The following WDFY4 variants were observed in gnomAD, a reference collection of about 807,000 sequenced individuals.
WDFY4 encodes WD repeat- and FYVE domain-containing protein 4.
WDFY4 carries 169 observed loss-of-function variants against 351.9 expected under a neutral mutation model. The ratio of observed to expected loss-of-function variants is 0.48; its 90% CI spans 0.42 to 0.55. WDFY4 has a LOEUF of 0.55. Ranked by LOEUF, WDFY4 falls within the 20% of genes least tolerant of loss-of-function variation. The pLI is 0.00. For missense variants in WDFY4, 3,803 were observed against 3,935.6 expected, an observed-to-expected ratio of 0.97 and a Z score of 0.90; for synonymous variants, 1,622 against 1,574.6, an observed-to-expected ratio of 1.03 and a Z score of -0.71.
At chr10:48,874,429 G>A (rs927435804) in intron 41 of WDFY4, among the ~76,000 whole-genome samples, 1 of 152,058 alleles carries the variant, frequency 6.6e-6, no homozygotes, top group Non-Finnish European at 1.5e-5. Context: ...CCAGAATGCT[G>A]GATTTTTTTC....
intron 53 of WDFY4, among the ~76,000 whole-genome samples, chr10:48,960,985 T>C (rs1291605857): frequency 6.6e-6 from 1 of 152,242 alleles, no homozygotes; most frequent in Non-Finnish European, 1.5e-5. Flanking sequence ...AAACGTTCTA[T>C]GTCTTGACTG....
intron 47 of WDFY4, among the ~76,000 whole-genome samples, chr10:48,933,362 C>T (rs1840150165): frequency 6.6e-6 from 1 of 152,248 alleles, no homozygotes. Flanking sequence ...GTCAAAGGCG[C>T]ATGCCTCGAC....
rs138198129 is a variant in WDFY4 at position 48,786,293 on chromosome 10, T to C, written c.3577-346T>C. 2.1e-3 allele frequency among the ~76,000 whole-genome samples: 316 copies of C among 152,336 alleles called. 1 individual carries two copies. The highest frequency in any genetic ancestry group is 7.3e-3 in the African/African-American group (305 of 41,578). On this transcript the variant is annotated intron_variant, in intron 19 of 61. Coordinates refer to ENST00000325239, the MANE Select transcript of WDFY4 (RefSeq NM_001394531.1). ...AACAGTTTTATTTCTTCCTTTCCAC[T>C]CTGTATGTATGTAATTATTGTTCAT...
At chr10:48,752,914 A>G (rs1301901927) in intron 12 of WDFY4, among the ~76,000 whole-genome samples, 3 of 152,218 alleles carry the variant, frequency 2.0e-5, no homozygotes, top group African/African-American at 7.2e-5. Context: ...ATTGTAGCTC[A>G]ATTCAATAGA....
At chr10:48,978,194 C>A in intron 59 of WDFY4, 115 bp from the exon 60 acceptor site, 2 of 963,296 alleles carry the variant, frequency 2.1e-6, no homozygotes, top group Non-Finnish European at 3.0e-6. Flanking sequence ...AAAGGGGGGC[C>A]ATGTGTTCAT....
intron 58 of WDFY4, among the ~76,000 whole-genome samples, chr10:48,975,801 G>A (rs1264810892): frequency 6.6e-6 from 1 of 152,118 alleles, no homozygotes; most frequent in African/African-American, 2.4e-5. Context: ...TGGATGGGTA[G>A]ATAGATAAAT....
intron 13 of WDFY4, among the ~76,000 whole-genome samples, chr10:48,768,617 C>G (rs769980653): frequency 1.3e-5 from 2 of 151,906 alleles, no homozygotes; most frequent in Non-Finnish European, 2.9e-5. Flanking sequence ...GCTTACTAGG[C>G]GGCTATTCTG....
At chr10:48,822,678 G>A (rs929142790) in intron 35 of WDFY4, 141 bp downstream of exon 35, 4 of 1,110,806 alleles carry the variant, frequency 3.6e-6, no homozygotes, top group Non-Finnish European at 4.8e-6. Context: ...AGGCCCTTTA[G>A]TCCCAGGTAA....
At chr10:48,787,802 TCC>T (rs1164262708) in intron 20 of WDFY4, among the ~76,000 whole-genome samples, 2 of 96,580 alleles carry the variant, frequency 2.1e-5, no homozygotes, top group South Asian at 4.8e-4. Flanking sequence ...CTCCTCCTCC[TCC>T]TCCTCTTCTT....
In WDFY4 at chr10:48,743,416, G is replaced by A; in HGVS notation, c.2327G>A (p.Gly776Asp). ...ILGFLDSMAS[G>D]TLHLRGDLKE... The stretch of plus-strand genomic sequence containing the variant: ...GGCTTTCTGGACAGCATGGCCAGCG[G>A]CACCCTCCACTTGCGTGGGGACCTG... Residue 776 changes from glycine (G) to aspartate (D), a missense_variant, in exon 12 of 62, where the codon GGC becomes GAC. Gly to Asp is a moderately conservative substitution (Grantham distance 94). Coordinates refer to ENST00000325239, the MANE Select transcript of WDFY4 (RefSeq NM_001394531.1). 4 of 1,551,416 alleles carry A rather than the reference G, an allele frequency of 2.6e-6. No homozygotes were observed. Among genetic ancestry groups the A allele is most frequent in the Non-Finnish European group, 3.5e-6 (4 of 1,146,994 alleles).
chr10:48,764,494 T>C (rs1000487126), intron 13 of WDFY4, among the ~76,000 whole-genome samples: 1 of 152,342 alleles, frequency 6.6e-6, no homozygotes, highest in South Asian at 2.1e-4. Flanking sequence ...TCTAGCAGGC[T>C]TAGCAGCCAT....
chr10:48,959,912 A>C, intron 53 of WDFY4, 99 bp downstream of exon 53: 1 of 1,092,806 alleles, frequency 9.2e-7, no homozygotes, highest in Non-Finnish European at 1.3e-6. Context: ...AGTGACCAGC[A>C]CTGTGAGGCT....
intron 47 of WDFY4, chr10:48,910,201 T>C: frequency 6.5e-7 from 1 of 1,543,644 alleles, no homozygotes; most frequent in Non-Finnish European, 9.0e-7. Context: ...TTTATTCTGT[T>C]AGCTGAGTAG....
chr10:48,747,626 T>C (rs1463176711), intron 12 of WDFY4, among the ~76,000 whole-genome samples: 1 of 152,244 alleles, frequency 6.6e-6, no homozygotes, highest in African/African-American at 2.4e-5. Flanking sequence ...TAATCTGATA[T>C]ATAATCTAGC....
At chr10:48,727,094 C>T (rs1375458401) in intron 6 of WDFY4, among the ~76,000 whole-genome samples, 2 of 152,208 alleles carry the variant, frequency 1.3e-5, no homozygotes, top group African/African-American at 4.8e-5. Context: ...TACATCCTCC[C>T]CTGCATTTTT....
At chr10:48,803,893 C>A in intron 25 of WDFY4, among the ~76,000 whole-genome samples, 1 of 152,244 alleles carries the variant, frequency 6.6e-6, no homozygotes, top group Non-Finnish European at 1.5e-5. Context: ...CCACTCTTGC[C>A]TCTGCCTCTT....
chr10:48,788,686 T>C lies in WDFY4; in HGVS notation c.3954+11T>C. On this transcript the variant is annotated intron_variant, in intron 21 of 61. Coordinates refer to ENST00000325239, the MANE Select transcript of WDFY4 (RefSeq NM_001394531.1). ...CTGATCGCCAAAGAGGTACATCTTC[T>C]AACTTCGCTGCTAATCTCTGTTGGA... The C allele has an allele frequency of 1.3e-6, 2 of 1,551,188 alleles. No homozygotes were observed. Among genetic ancestry groups the C allele is most frequent in the Non-Finnish European group, 1.7e-6 (2 of 1,146,612 alleles).
At chr10:48,929,031 C>G (rs1051308106) in intron 47 of WDFY4, among the ~76,000 whole-genome samples, 8 of 152,054 alleles carry the variant, frequency 5.3e-5, no homozygotes, top group African/African-American at 1.9e-4. Flanking sequence ...AGGATAGAGA[C>G]ATAGAGATTA....
intron 39 of WDFY4, among the ~76,000 whole-genome samples, chr10:48,859,148 G>A (rs1042227309): frequency 1.3e-5 from 2 of 152,098 alleles, no homozygotes; most frequent in African/African-American, 4.8e-5. Context: ...GAATTCAACA[G>A]AATCAGGGTA....
Sources: gnomAD v4.1 joint callset for allele counts (sites outside exome capture counted in the v4.1 genomes callset) on GRCh38, gnomAD v4.1.1 for gene constraint, MANE v1.5 for transcripts, NCBI Gene and HGNC (gene_info 2026-07-23, HGNC 2026-07-21) for gene names.